Variants in CBLB observed in about 807,000 individuals in gnomAD.
CBLB encodes E3 ubiquitin-protein ligase CBL-B.
A neutral mutation model predicts 104.9 loss-of-function variants in CBLB; 31 were observed. That is an observed-to-expected ratio of 0.30 (90% confidence interval 0.22 to 0.40). The LOEUF is 0.40. CBLB is among the 10% of genes least tolerant of loss of function. The pLI, the probability that CBLB is intolerant of heterozygous loss-of-function variation, is 1.00. For synonymous variants in CBLB, 440 were observed against 422.6 expected, an observed-to-expected ratio of 1.04 and a Z score of -0.51; for missense variants, 1,062 against 1,214.6, an observed-to-expected ratio of 0.87 and a Z score of 1.87.
At chr3:105,759,777 T>G (rs956162443) in intron 4 of CBLB, among the ~76,000 whole-genome samples, 1 of 152,128 alleles carries the variant, frequency 6.6e-6, no homozygotes, top group South Asian at 2.1e-4. Context: ...CCCAAGAGTA[T>G]AGGGATGCCC....
At chr3:105,686,451 G>GAAAAA (rs3831886) in intron 13 of CBLB, among the ~76,000 whole-genome samples, 1 of 137,056 alleles carries the variant, frequency 7.3e-6, no homozygotes, top group Non-Finnish European at 1.6e-5. Flanking sequence ...AAAAAGGAAG[G>GAAAAA]AAAAAAAAAA....
At chr3:105,833,384 C>G (rs1477866313) in intron 3 of CBLB, among the ~76,000 whole-genome samples, 1 of 152,180 alleles carries the variant, frequency 6.6e-6, no homozygotes. Context: ...AAATATCTCT[C>G]TCTGAGACAG....
At chr3:105,833,526 ATT>A (rs926033659) in intron 3 of CBLB, among the ~76,000 whole-genome samples, 2 of 152,102 alleles carry the variant, frequency 1.3e-5, no homozygotes, top group Non-Finnish European at 2.9e-5. Flanking sequence ...TCAGCAAGAT[ATT>A]TTCTCTTGCT....
intron 12 of CBLB, among the ~76,000 whole-genome samples, chr3:105,698,099 T>A (rs867273916): frequency 6.6e-6 from 1 of 152,006 alleles, no homozygotes; most frequent in Non-Finnish European, 1.5e-5. Context: ...AAATAAACAA[T>A]AACTCTTAGC....
At chr3:105,681,199 G>C in intron 16 of CBLB, 1 of 500,052 alleles carries the variant, frequency 2.0e-6, no homozygotes, top group Non-Finnish European at 3.5e-6. Context: ...AAAACTACTA[G>C]AGCACAAAGC....
chr3:105,812,112 C>T (rs951949875), intron 3 of CBLB, among the ~76,000 whole-genome samples: 4 of 152,050 alleles, frequency 2.6e-5, no homozygotes, highest in Non-Finnish European at 2.9e-5. Context: ...CCAGTAATAT[C>T]CATATTACTG....
intron 3 of CBLB, among the ~76,000 whole-genome samples, chr3:105,813,430 A>G (rs1284837962): frequency 6.6e-6 from 1 of 152,120 alleles, no homozygotes; most frequent in East Asian, 1.9e-4. Context: ...TATTATATGT[A>G]TAATTTTTAT....
At chr3:105,791,470 C>T (rs12637809) in intron 3 of CBLB, among the ~76,000 whole-genome samples, 20,640 of 152,012 alleles carry the variant, frequency 0.14, 1,666 homozygotes, top group East Asian at 0.41. Flanking sequence ...GAATACTGAG[C>T]GAATATGGCA....
chr3:105,702,427 T>A lies in CBLB; in HGVS notation c.1626A>T (p.Lys542Asn), dbSNP rs2069292622. 1 of 1,604,596 alleles carries A rather than the reference T, an allele frequency of 6.2e-7. No homozygotes were observed. Among genetic ancestry groups the A allele is most frequent in the South Asian group, 1.1e-5 (1 of 90,770 alleles). Residue 542 changes from lysine to asparagine, a missense_variant, in exon 12 of 19, where the codon AAA becomes AAT. Physicochemically the swap from Lys to Asn is moderately conservative, Grantham distance 94. This residue lies in a region of CBLB where 605 missense variants were observed against 582.6 expected (regional missense o/e 1.04). Transcript: ENST00000394030. Reference sequence around the variant, plus strand: ...AGGGAGGAGGTGGTGCTGGGAGTGGTTTATCTTGTTTTCTCACCATGCAAG... The same window carrying A: ...AGGGAGGAGGTGGTGCTGGGAGTGGATTATCTTGTTTTCTCACCATGCAAG... ...SSPCMVRKQD[K>N]PLPAPPPPLR...
intron 12 of CBLB, among the ~76,000 whole-genome samples, chr3:105,694,903 G>A (rs1209928297): frequency 1.3e-5 from 2 of 151,744 alleles, no homozygotes; most frequent in Non-Finnish European, 3.0e-5. Flanking sequence ...GTTCTGAAGT[G>A]TGCCAGAAAG....
In CBLB at chr3:105,745,985, A is replaced by T; in HGVS notation, c.777T>A (p.Gly259=). ...CATCATATGTGAGAAATGCCATGTA[A>T]CCTGGATGTGTCACAGCTAAGAAAT... ...NWNFLAVTHP[G]YMAFLTYDEV... is the part of the protein sequence containing the mutation. The change falls in exon 6 of 19, where the codon GGT becomes GGA. Residue 259 remains glycine, a synonymous_variant. Transcript: ENST00000394030. The T allele has an allele frequency of 6.2e-7, 1 of 1,610,774 alleles. No individual in the cohort carries two copies. Among genetic ancestry groups the T allele is most frequent in the Non-Finnish European group, 8.5e-7 (1 of 1,176,948 alleles).
At chr3:105,820,326 C>G (rs530064413) in intron 3 of CBLB, among the ~76,000 whole-genome samples, 1 of 152,168 alleles carries the variant, frequency 6.6e-6, no homozygotes, top group African/African-American at 2.4e-5. Flanking sequence ...TCATGCTGTA[C>G]GTCCAGTTCC....
intron 3 of CBLB, among the ~76,000 whole-genome samples, chr3:105,827,835 C>G (rs954734420): frequency 2.0e-5 from 3 of 152,062 alleles, no homozygotes; most frequent in African/African-American, 7.2e-5. Context: ...GCTCTGAAAA[C>G]AAGATATAGT....
intron 3 of CBLB, among the ~76,000 whole-genome samples, chr3:105,814,074 T>C (rs2084678904): frequency 6.6e-6 from 1 of 152,154 alleles, no homozygotes; most frequent in Admixed American, 6.6e-5. Context: ...TTCTTTCTAA[T>C]GAAAATTTAA....
intron 13 of CBLB, among the ~76,000 whole-genome samples, chr3:105,689,456 A>G (rs1384607072): frequency 6.6e-6 from 1 of 151,300 alleles, no homozygotes; most frequent in African/African-American, 2.4e-5. Context: ...TAATATATCA[A>G]AAGTACAAAA....
At chr3:105,730,488 A>G (rs79094892) in intron 9 of CBLB, among the ~76,000 whole-genome samples, 7,030 of 152,172 alleles carry the variant, frequency 0.046, 363 homozygotes, top group Admixed American at 0.13. Context: ...CATGCAATCT[A>G]TAAGTATTTA....
chr3:105,823,122 T>C (rs2086111779), intron 3 of CBLB, among the ~76,000 whole-genome samples: 1 of 152,220 alleles, frequency 6.6e-6, no homozygotes, highest in Non-Finnish European at 1.5e-5. Context: ...AACAGCTTTA[T>C]CTTAGGCTCC....
chr3:105,730,316 T>C (rs796648548), intron 9 of CBLB, among the ~76,000 whole-genome samples: 9 of 152,212 alleles, frequency 5.9e-5, no homozygotes, highest in African/African-American at 1.7e-4. Flanking sequence ...AACTAAGCCT[T>C]AGATATTCTA....
intron 3 of CBLB, among the ~76,000 whole-genome samples, chr3:105,830,054 T>C (rs1013231198): frequency 6.6e-6 from 1 of 152,174 alleles, no homozygotes; most frequent in Admixed American, 6.6e-5. Context: ...TTAGGTGTTA[T>C]AAATGAGAAC....
Sources: allele counts gnomAD v4.1 joint callset (sites outside exome capture counted in the v4.1 genomes callset), GRCh38; gene constraint gnomAD v4.1.1; regional missense constraint gnomAD v4.1.1; transcripts MANE v1.5; gene names NCBI Gene and HGNC (gene_info 2026-07-23, HGNC 2026-07-21).